Variants in CREB1 observed in about 807,000 individuals in gnomAD.
The protein encoded by CREB1 is cyclic AMP-responsive element-binding protein 1.
CREB1 carries 2 observed loss-of-function variants against 42.0 expected under a neutral mutation model. The observed-to-expected ratio is 0.05, with a 90% CI of 0.02 to 0.15. The LOEUF is 0.15. Among genes scored for constraint, CREB1 ranks in the 10% least tolerant of loss-of-function variants. The pLI is 1.00. For synonymous variants in CREB1, 123 were observed against 139.9 expected (o/e 0.88, Z 0.85); for missense variants, 199 against 388.9 (o/e 0.51, Z 4.11).
At chr2:207,551,361 A>G (rs2081495222) in intron 1 of CREB1, among the ~76,000 whole-genome samples, 1 of 152,198 alleles carries the variant, frequency 6.6e-6, no homozygotes, top group Non-Finnish European at 1.5e-5. Flanking sequence ...TGAGGCTAGG[A>G]TGGAAAGGAA....
intron 1 of CREB1, among the ~76,000 whole-genome samples, chr2:207,552,156 T>C (rs992287831): frequency 2.6e-5 from 4 of 151,782 alleles, no homozygotes; most frequent in African/African-American, 9.7e-5. Flanking sequence ...ATGGGGCTCC[T>C]ATACACACTT....
At chr2:207,582,672 A>G (rs1413998335) in intron 7 of CREB1, among the ~76,000 whole-genome samples, 1 of 152,022 alleles carries the variant, frequency 6.6e-6, no homozygotes, top group African/African-American at 2.4e-5. Flanking sequence ...TGTTTTTCCA[A>G]TGATCTCTAG....
chr2:207,561,199 A>G, intron 3 of CREB1: 5 of 1,522,614 alleles, frequency 3.3e-6, no homozygotes, highest in Non-Finnish European at 4.5e-6. Flanking sequence ...AACTATTATT[A>G]GAAAGGAAGG....
intron 3 of CREB1, 116 bp downstream of exon 3, chr2:207,560,488 A>G: frequency 4.1e-6 from 4 of 985,598 alleles, no homozygotes; most frequent in Non-Finnish European, 5.9e-6. Flanking sequence ...TTTTATTCAC[A>G]GTATAGGAAT....
At chr2:207,537,146 C>T (rs1452105540) in intron 1 of CREB1, among the ~76,000 whole-genome samples, 1 of 152,034 alleles carries the variant, frequency 6.6e-6, no homozygotes, top group South Asian at 2.1e-4. Context: ...CCTCCGCCTC[C>T]TGGGTTAAAG....
At chr2:207,542,434 C>T (rs2081132829) in intron 1 of CREB1, among the ~76,000 whole-genome samples, 1 of 152,172 alleles carries the variant, frequency 6.6e-6, no homozygotes, top group Non-Finnish European at 1.5e-5. Flanking sequence ...TGATATCAAG[C>T]TGCTTTTCAT....
At chr2:207,540,128 T>TGTGCTA (rs1450346794) in intron 1 of CREB1, among the ~76,000 whole-genome samples, 1 of 152,192 alleles carries the variant, frequency 6.6e-6, no homozygotes, top group Non-Finnish European at 1.5e-5. Context: ...ACAGTGGTCC[T>TGTGCTA]GTGCTAGTGT....
At chr2:207,566,814 T>G (rs1475817028) in intron 3 of CREB1, among the ~76,000 whole-genome samples, 4 of 152,188 alleles carry the variant, frequency 2.6e-5, no homozygotes, top group Admixed American at 6.5e-5. Flanking sequence ...ATCTGTAAAT[T>G]CTAGTTTCTA....
At chr2:207,585,988 A>G (rs2083752908) in intron 7 of CREB1, among the ~76,000 whole-genome samples, 2 of 152,188 alleles carry the variant, frequency 1.3e-5, no homozygotes, top group Admixed American at 6.5e-5. Context: ...ATGTCTTGAG[A>G]GAGAGATATA....
At chr2:207,548,960 C>T (rs908142679) in intron 1 of CREB1, among the ~76,000 whole-genome samples, 20 of 152,152 alleles carry the variant, frequency 1.3e-4, no homozygotes, top group Non-Finnish European at 4.4e-5. Flanking sequence ...TCATGTATAA[C>T]TTTTCTTGCT....
rs2087663763 is a variant in CREB1, at chr2:207,604,286, TTAACA to T, written c.*7231_*7235del. ...GTTTTAGTGTTTCGCCACTGAAGAC[TTAACA>T]TATGTCTTTTACACTCAGGTTGCAA... On this transcript the variant is annotated 3_prime_UTR_variant, in exon 8 of 8. Transcript: ENST00000353267. 2.0e-5 allele frequency among the ~76,000 whole-genome samples: 3 copies of T among 152,218 alleles called. No individual in the cohort carries two copies. The highest frequency in any genetic ancestry group is 4.1e-4 in the South Asian group (2 of 4,830).
At chr2:207,532,450 G>A (rs1485986323) in intron 1 of CREB1, among the ~76,000 whole-genome samples, 2 of 151,896 alleles carry the variant, frequency 1.3e-5, no homozygotes, top group African/African-American at 4.8e-5. Flanking sequence ...CGAGGCAGGC[G>A]GCTCACGAGG....
intron 3 of CREB1, among the ~76,000 whole-genome samples, chr2:207,565,554 A>G (rs975298887): frequency 2.6e-5 from 4 of 152,100 alleles, no homozygotes; most frequent in Non-Finnish European, 5.9e-5. Flanking sequence ...CAGATTAAAA[A>G]ACAACATTAA....
intron 2 of CREB1, among the ~76,000 whole-genome samples, chr2:207,557,455 G>T (rs1387899003): frequency 6.6e-6 from 1 of 152,200 alleles, no homozygotes; most frequent in African/African-American, 2.4e-5. Context: ...GGCCGAGGCA[G>T]GCGGATCACG....
intron 1 of CREB1, among the ~76,000 whole-genome samples, chr2:207,542,652 ATTT>A (rs1280082152): frequency 6.6e-6 from 1 of 152,012 alleles, no homozygotes. Context: ...AAAGTTTTTA[ATTT>A]TTATGATTTC....
intron 7 of CREB1, 98 bp from the exon 8 acceptor site, chr2:207,596,816 C>T: frequency 7.4e-7 from 1 of 1,359,594 alleles, no homozygotes; most frequent in Non-Finnish European, 1.0e-6. Flanking sequence ...ATGTTGGTTG[C>T]TGTGAGCTAT....
chr2:207,578,680 G>A (rs899409344), intron 7 of CREB1, among the ~76,000 whole-genome samples: 3 of 152,016 alleles, frequency 2.0e-5, no homozygotes, highest in Admixed American at 1.3e-4. Flanking sequence ...CAGCTTTTTT[G>A]TTCCTAAAAT....
intron 5 of CREB1, among the ~76,000 whole-genome samples, chr2:207,573,757 A>G (rs537765861): frequency 4.1e-4 from 62 of 152,198 alleles, no homozygotes; most frequent in Non-Finnish European, 4.7e-4. Flanking sequence ...AAAACAAAAA[A>G]CTGTTCAGTG....
chr2:207,553,081 T>G (rs2081578390), intron 1 of CREB1, among the ~76,000 whole-genome samples: 1 of 144,204 alleles, frequency 6.9e-6, no homozygotes, highest in African/African-American at 2.6e-5. Context: ...TTTTTTTTTT[T>G]TTTTTGAGAT....
Sources: allele counts gnomAD v4.1 joint callset (sites outside exome capture counted in the v4.1 genomes callset), GRCh38; gene constraint gnomAD v4.1.1; transcripts MANE v1.5; gene names NCBI Gene and HGNC (gene_info 2026-07-23, HGNC 2026-07-21).